The following GALNT1 variants were observed in gnomAD, a reference collection of about 807,000 sequenced individuals.
GALNT1 encodes polypeptide N-acetylgalactosaminyltransferase 1, also known as GalNAc transferase 1.
Under a neutral mutation model 65.7 loss-of-function variants are expected in GALNT1, and 17 were observed. That is an observed-to-expected ratio of 0.26 (90% CI 0.18 to 0.39). The LOEUF (loss-of-function observed/expected upper bound fraction) is 0.39. Among genes scored for constraint, GALNT1 ranks in the 10% least tolerant of loss-of-function variants. The probability of loss-of-function intolerance (pLI) is 1.00; values close to 1 mark genes in which losing one functional copy is unlikely to be tolerated. For synonymous variants in GALNT1, 210 were observed against 219.7 expected (o/e 0.96, Z 0.39); for missense variants, 460 against 672.8 (o/e 0.68, Z 3.50).
chr18:35,694,128 A>G (rs563716170), intron 9 of GALNT1, among the ~76,000 whole-genome samples: 77 of 152,346 alleles, frequency 5.1e-4, no homozygotes, highest in African/African-American at 1.6e-3. Context: ...TCAGTAGCCT[A>G]TCTCACAGTG....
chr18:35,666,008 G>A (rs536119841), intron 3 of GALNT1, among the ~76,000 whole-genome samples: 3 of 152,242 alleles, frequency 2.0e-5, no homozygotes, highest in South Asian at 2.1e-4. Context: ...AGGCAGAGGC[G>A]ACCAGCCCAG....
intron 2 of GALNT1, among the ~76,000 whole-genome samples, chr18:35,661,569 T>G (rs2071586153): frequency 6.6e-6 from 1 of 152,002 alleles, no homozygotes; most frequent in African/African-American, 2.4e-5. Context: ...AGTTGTCAAC[T>G]CATGGCTAGT....
rs1213422231 is a variant in GALNT1 at position 35,710,754 on chromosome 18, C to G, written c.*984C>G. 1 of 152,630 alleles carries G rather than the reference C, an allele frequency of 6.6e-6. No homozygotes were observed. The highest frequency in any genetic ancestry group is 1.5e-5 in the Non-Finnish European group (1 of 68,036). 9.5% of individuals were successfully genotyped at this position (152,630 alleles called of 1,614,324 possible). On this transcript the variant is annotated 3_prime_UTR_variant, in exon 12 of 12. Transcript: ENST00000269195. ...ACCCAAGATTCATGCTACTGTACCA[C>G]AGATTTGTTTTCACAGCAATAAATC...
intron 1 of GALNT1, among the ~76,000 whole-genome samples, 190 bp downstream of exon 1, chr18:35,582,052 C>A (rs1330521842): frequency 6.6e-6 from 1 of 152,066 alleles, no homozygotes; most frequent in African/African-American, 2.4e-5. Context: ...CACGCGGCGT[C>A]TCTGGTTGGC....
chr18:35,704,964 C>T (rs558619994), intron 11 of GALNT1, among the ~76,000 whole-genome samples: 56 of 152,288 alleles, frequency 3.7e-4, no homozygotes, highest in African/African-American at 1.3e-3. Flanking sequence ...TTTTCATATC[C>T]TCTTATGCCT....
intron 1 of GALNT1, among the ~76,000 whole-genome samples, chr18:35,592,493 G>A (rs910492499): frequency 6.6e-6 from 1 of 152,156 alleles, no homozygotes; most frequent in Admixed American, 6.5e-5. Context: ...TACCAGTGTG[G>A]CTGAAGGGCC....
intron 1 of GALNT1, among the ~76,000 whole-genome samples, chr18:35,648,548 ATAAG>A (rs2047267363): frequency 6.6e-6 from 1 of 152,358 alleles, no homozygotes; most frequent in South Asian, 2.1e-4. Flanking sequence ...AACTTTAAAA[ATAAG>A]TAGTTAAATG....
Position 35,689,153 on chromosome 18 carries a change from A to T in GALNT1, c.861-20A>T. ...TTGTAAATTTTAAATTGCTAATGGT[A>T]TAGCATTATTGAATTTCAGGACACC... On this transcript the variant is annotated intron_variant, in intron 6 of 11. Transcript: ENST00000269195. 1 of 1,426,304 alleles carries T rather than the reference A, an allele frequency of 7.0e-7. No individual in the cohort carries two copies. The highest frequency in any genetic ancestry group is 9.9e-7 in the Non-Finnish European group (1 of 1,010,280). 88.4% of individuals were successfully genotyped at this position (1,426,304 alleles called of 1,614,324 possible). A position where few individuals can be genotyped will look rare whatever the true frequency, so the allele number is the denominator to read the frequency against.
chr18:35,679,172 G>C (rs1286341614), intron 4 of GALNT1, among the ~76,000 whole-genome samples: 2 of 152,132 alleles, frequency 1.3e-5, no homozygotes, highest in Non-Finnish European at 2.9e-5. Flanking sequence ...TAATCCCTCT[G>C]TAAGAAAATT....
At chr18:35,605,675 G>A (rs1442344956) in intron 1 of GALNT1, among the ~76,000 whole-genome samples, 1 of 150,990 alleles carries the variant, frequency 6.6e-6, no homozygotes. Flanking sequence ...AATATGTATA[G>A]AAGTATAGAG....
At chr18:35,616,296 C>T (rs1173185067) in intron 1 of GALNT1, among the ~76,000 whole-genome samples, 1 of 152,122 alleles carries the variant, frequency 6.6e-6, no homozygotes, top group Non-Finnish European at 1.5e-5. Flanking sequence ...TGACGCTGGC[C>T]AAATTACCTA....
chr18:35,651,224 G>A (rs1356344209), intron 1 of GALNT1, among the ~76,000 whole-genome samples: 2 of 151,934 alleles, frequency 1.3e-5, no homozygotes, highest in African/African-American at 4.8e-5. Flanking sequence ...TAATCTTTCT[G>A]AACAAGGAGA....
chr18:35,628,659 C>A, intron 1 of GALNT1, among the ~76,000 whole-genome samples: 1 of 152,116 alleles, frequency 6.6e-6, no homozygotes, highest in Non-Finnish European at 1.5e-5. Flanking sequence ...AATCAGAGCA[C>A]CTCTCCTCCT....
At chr18:35,692,098 A>C (rs1441844216) in intron 8 of GALNT1, 83 bp from the exon 9 acceptor site, 1 of 1,234,520 alleles carries the variant, frequency 8.1e-7, no homozygotes, top group East Asian at 2.4e-5. Context: ...GTTCTGATTC[A>C]TCTGGCTTAT....
chr18:35,582,228 C>A (rs892414217), intron 1 of GALNT1, among the ~76,000 whole-genome samples: 6 of 152,144 alleles, frequency 3.9e-5, no homozygotes, highest in African/African-American at 1.4e-4. Context: ...CCTCGCGGCG[C>A]CACGGGGGAG....
intron 4 of GALNT1, among the ~76,000 whole-genome samples, chr18:35,682,910 A>T (rs1302082733): frequency 4.1e-5 from 4 of 96,978 alleles, no homozygotes; most frequent in Non-Finnish European, 6.4e-5. Flanking sequence ...CCCCTGATTA[A>T]AAAAAAAAAA....
intron 11 of GALNT1, among the ~76,000 whole-genome samples, chr18:35,705,440 C>A (rs778022376): frequency 7.2e-5 from 11 of 152,208 alleles, no homozygotes; most frequent in Non-Finnish European, 1.3e-4. Context: ...CCTGGGTCTC[C>A]TTTCACAATG....
At chr18:35,685,147 T>C (rs1240434303) in intron 5 of GALNT1, among the ~76,000 whole-genome samples, 1 of 152,034 alleles carries the variant, frequency 6.6e-6, no homozygotes, top group Non-Finnish European at 1.5e-5. Flanking sequence ...ACAAGGAAAA[T>C]TACAGTGCAA....
chr18:35,692,492 T>G (rs2047984289), intron 9 of GALNT1, among the ~76,000 whole-genome samples, 172 bp downstream of exon 9: 1 of 152,244 alleles, frequency 6.6e-6, no homozygotes, highest in African/African-American at 2.4e-5. Context: ...ATATTCTTTT[T>G]TTCCCATTCC....
Sources: allele counts gnomAD v4.1 joint callset (sites outside exome capture counted in the v4.1 genomes callset), GRCh38; gene constraint gnomAD v4.1.1; transcripts MANE v1.5; gene names NCBI Gene and HGNC (gene_info 2026-07-23, HGNC 2026-07-21).